EXD2: variants seen among roughly 807,000 people sequenced by gnomAD.
EXD2 encodes the protein exonuclease 3'-5' domain containing 2.
A neutral mutation model predicts 62.5 loss-of-function variants in EXD2; 40 were observed. The observed-to-expected ratio is 0.64, with a 90% CI of 0.50 to 0.83. EXD2 has a LOEUF of 0.83. EXD2 is among the 40% of genes least tolerant of loss of function. EXD2 has a pLI of 0.00. For missense variants in EXD2, 671 were observed against 761.8 expected, an observed-to-expected ratio of 0.88 and a Z score of 1.40; for synonymous variants, 239 against 291.9, an observed-to-expected ratio of 0.82 and a Z score of 1.85.
At chr14:69,200,713 A>T (rs2042368302) in intron 1 of EXD2, among the ~76,000 whole-genome samples, 2 of 151,780 alleles carry the variant, frequency 1.3e-5, no homozygotes, top group African/African-American at 4.8e-5. Context: ...TGTCTCCAAA[A>T]AAAAAAAGGC....
chr14:69,234,985 C>T lies in EXD2; in HGVS notation c.1003C>T (p.Pro335Ser), dbSNP rs753724220. The T allele has an allele frequency of 8.1e-6, 13 of 1,608,764 alleles. No homozygotes were observed. Among genetic ancestry groups the T allele is most frequent in the South Asian group, 6.7e-5 (6 of 90,114 alleles). Reference sequence around the variant, plus strand: ...GCCAGGCAACCACCAAGGGAGAGACCCCAGAAAACATAAAAGAAAGCCTCT... The same window carrying T: ...GCCAGGCAACCACCAAGGGAGAGACTCCAGAAAACATAAAAGAAAGCCTCT... ...MVPGNHQGRDPRKHKRKPLGV... is the reference protein window; with the variant it reads ...MVPGNHQGRDSRKHKRKPLGV... Residue 335 changes from proline (P) to serine (S), a missense_variant, in exon 6 of 10, where the codon CCC becomes TCC. Transcript: ENST00000685843.
chr14:69,200,493 C>T (rs536989596), intron 1 of EXD2, among the ~76,000 whole-genome samples: 128 of 146,774 alleles, frequency 8.7e-4, no homozygotes, highest in African/African-American at 3.0e-3. Context: ...CTTGAGCTCA[C>T]GAATCTGAGA....
chr14:69,196,514 C>T (rs899792765), intron 1 of EXD2, among the ~76,000 whole-genome samples: 1 of 152,112 alleles, frequency 6.6e-6, no homozygotes, highest in African/African-American at 2.4e-5. Flanking sequence ...CTGCCAGTGG[C>T]ATTGCTAGGT....
At chr14:69,198,104 G>A (rs907180752) in intron 1 of EXD2, among the ~76,000 whole-genome samples, 1 of 152,176 alleles carries the variant, frequency 6.6e-6, no homozygotes, top group African/African-American at 2.4e-5. Context: ...ACTTGTGTAT[G>A]TGATTATGTG....
intron 1 of EXD2, among the ~76,000 whole-genome samples, chr14:69,198,965 C>T (rs998983773): frequency 1.3e-5 from 2 of 152,188 alleles, no homozygotes; most frequent in South Asian, 2.1e-4. Context: ...AACAGTGGGC[C>T]GGGCATGGAG....
intron 2 of EXD2, among the ~76,000 whole-genome samples, chr14:69,205,531 CTTTG>C (rs906397822): frequency 3.8e-4 from 58 of 151,732 alleles, no homozygotes; most frequent in African/African-American, 1.3e-3. Flanking sequence ...ATATTTTTGT[CTTTG>C]TTTTAGTTAT....
chr14:69,216,289 T>C (rs2140259761), intron 3 of EXD2, among the ~76,000 whole-genome samples: 1 of 152,344 alleles, frequency 6.6e-6, no homozygotes, highest in South Asian at 2.1e-4. Context: ...TTTGTCTTCT[T>C]GATTGTCTAA....
chr14:69,194,430 G>A (rs1011456923), intron 1 of EXD2, among the ~76,000 whole-genome samples: 2 of 152,070 alleles, frequency 1.3e-5, no homozygotes, highest in Admixed American at 6.5e-5. Flanking sequence ...GAGCCACCGC[G>A]CCCGGCCTAG....
At chr14:69,232,239 T>C (rs1346585801) in intron 5 of EXD2, among the ~76,000 whole-genome samples, 2 of 152,176 alleles carry the variant, frequency 1.3e-5, no homozygotes, top group Admixed American at 1.3e-4. Flanking sequence ...TCTGGCCCTG[T>C]GCTGTAAAGG....
chr14:69,193,727 T>C (rs1002168850), intron 1 of EXD2, among the ~76,000 whole-genome samples: 1 of 152,196 alleles, frequency 6.6e-6, no homozygotes, highest in African/African-American at 2.4e-5. Flanking sequence ...TTTATCAGTC[T>C]GTTATGTGTG....
chr14:69,214,414 A>G (rs1275781251), intron 3 of EXD2, among the ~76,000 whole-genome samples: 1 of 152,214 alleles, frequency 6.6e-6, no homozygotes, highest in Admixed American at 6.5e-5. Flanking sequence ...GATTCATTAT[A>G]TACGATTTCT....
At chr14:69,207,030 A>G (rs1314026526) in intron 2 of EXD2, among the ~76,000 whole-genome samples, 1 of 152,244 alleles carries the variant, frequency 6.6e-6, no homozygotes, top group Non-Finnish European at 1.5e-5. Flanking sequence ...GAGAAAATAC[A>G]TATGAAATTC....
intron 1 of EXD2, among the ~76,000 whole-genome samples, chr14:69,195,305 C>T (rs1328106338): frequency 1.3e-5 from 2 of 152,036 alleles, no homozygotes; most frequent in Admixed American, 1.3e-4. Flanking sequence ...TCGAGTGATC[C>T]TCCTGCCTCA....
intron 6 of EXD2, 45 bp from the exon 7 acceptor site, chr14:69,236,001 C>T (rs1313406367): frequency 1.4e-6 from 2 of 1,461,602 alleles, no homozygotes; most frequent in Non-Finnish European, 1.9e-6. Context: ...CATTTTGACC[C>T]ACAGTTAGCT....
Position 69,219,083 on chromosome 14 carries a change from A to G in EXD2, c.333+9280A>G, listed in dbSNP as rs570479400. ...GCTTGATAAGGATGGCATTGAATCT[A>G]TAAATTACCTTGGGCAGTATGGCCA... On this transcript the variant is annotated intron_variant, in intron 3 of 9. Transcript: ENST00000685843. Among the ~76,000 whole-genome samples the G allele has an allele frequency of 2.7e-4, 41 of 152,314 alleles. 1 individual carries two copies. The South Asian group carries it at 7.7e-3, about 29-fold the overall frequency.
intron 3 of EXD2, among the ~76,000 whole-genome samples, chr14:69,227,093 G>A (rs988692726): frequency 9.9e-5 from 15 of 152,150 alleles, no homozygotes; most frequent in African/African-American, 3.4e-4. Context: ...CTAGAGCAGA[G>A]TTTCTCAGCC....
intron 1 of EXD2, among the ~76,000 whole-genome samples, chr14:69,201,001 G>C (rs1287648027): frequency 1.3e-5 from 2 of 151,586 alleles, no homozygotes; most frequent in East Asian, 3.9e-4. Context: ...TTGAACTCGG[G>C]AGGCAGAAGT....
intron 3 of EXD2, among the ~76,000 whole-genome samples, chr14:69,220,267 T>G (rs1434538444): frequency 1.1e-5 from 1 of 94,628 alleles, no homozygotes; most frequent in Non-Finnish European, 2.2e-5. Flanking sequence ...TTTTTTTTTT[T>G]TTTTTTTTTT....
intron 9 of EXD2, among the ~76,000 whole-genome samples, 197 bp downstream of exon 9, chr14:69,238,128 A>G (rs1381632369): frequency 1.3e-5 from 2 of 152,224 alleles, no homozygotes; most frequent in African/African-American, 4.8e-5. Context: ...TTCCATAGGA[A>G]ACTTGCTTTT....
Sources: gnomAD v4.1 joint callset for allele counts (sites outside exome capture counted in the v4.1 genomes callset) on GRCh38, gnomAD v4.1.1 for gene constraint, MANE v1.5 for transcripts, NCBI Gene and HGNC (gene_info 2026-07-23, HGNC 2026-07-21) for gene names.